Variants in HS6ST3 observed in about 807,000 individuals in gnomAD.
The protein encoded by HS6ST3 is heparan sulfate 6-O-sulfotransferase 3, also known as heparan-sulfate 6-O-sulfotransferase 3.
In HS6ST3, 12 loss-of-function variants were observed where a neutral mutation model predicts 36.7. That is an observed-to-expected ratio of 0.33 (90% confidence interval 0.21 to 0.53). The LOEUF is 0.53. Among genes scored for constraint, HS6ST3 ranks in the 20% least tolerant of loss-of-function variants. The probability of loss-of-function intolerance (pLI) is 0.95; values close to 1 mark genes in which losing one functional copy is unlikely to be tolerated. For synonymous variants in HS6ST3, 240 were observed against 257.5 expected, an observed-to-expected ratio of 0.93 and a Z score of 0.65; for missense variants, 584 against 640.9, an observed-to-expected ratio of 0.91 and a Z score of 0.96.
intron 1 of HS6ST3, among the ~76,000 whole-genome samples, chr13:96,136,753 T>C (rs1034555068): frequency 2.0e-5 from 3 of 149,364 alleles, no homozygotes; most frequent in African/African-American, 4.9e-5. Flanking sequence ...CAAATTAACA[T>C]ATACAAATGA....
intron 1 of HS6ST3, among the ~76,000 whole-genome samples, chr13:96,227,054 T>A (rs1395162810): frequency 6.6e-6 from 1 of 152,190 alleles, no homozygotes. Context: ...TGACACTAGA[T>A]AGAAGTATTT....
intron 1 of HS6ST3, among the ~76,000 whole-genome samples, chr13:96,329,689 C>G (rs2055053937): frequency 8.6e-6 from 1 of 116,262 alleles, no homozygotes; most frequent in Non-Finnish European, 1.8e-5. Context: ...CTGTAGATGT[C>G]TATTAGGTCC....
chr13:96,277,374 A>T (rs1169687313), intron 1 of HS6ST3, among the ~76,000 whole-genome samples: 1 of 152,138 alleles, frequency 6.6e-6, no homozygotes, highest in Non-Finnish European at 1.5e-5. Context: ...GGTATTTCTC[A>T]CCACTTCTAT....
At chr13:96,775,781 G>A (rs975636975) in intron 1 of HS6ST3, among the ~76,000 whole-genome samples, 3 of 152,026 alleles carry the variant, frequency 2.0e-5, no homozygotes, top group African/African-American at 2.4e-5. Flanking sequence ...ACAGATCAAC[G>A]AGACATAAAA....
chr13:96,113,022 C>T (rs2053878056), intron 1 of HS6ST3, among the ~76,000 whole-genome samples: 1 of 152,062 alleles, frequency 6.6e-6, no homozygotes, highest in African/African-American at 2.4e-5. Context: ...TTGGGGACTT[C>T]TAGTTTGGTA....
chr13:96,107,428 C>G (rs2053846935), intron 1 of HS6ST3, among the ~76,000 whole-genome samples: 1 of 151,962 alleles, frequency 6.6e-6, no homozygotes, highest in Non-Finnish European at 1.5e-5. Context: ...ATATTGATGT[C>G]AAAAATGATG....
At chr13:96,489,410 T>G (rs1028650727) in intron 1 of HS6ST3, among the ~76,000 whole-genome samples, 1 of 148,824 alleles carries the variant, frequency 6.7e-6, no homozygotes, top group Non-Finnish European at 1.5e-5. Flanking sequence ...ACACATATAG[T>G]TTTTTTCTAA....
At chr13:96,156,813 T>TATATTAAGAGCTCATAGCACA (rs2054112812) in intron 1 of HS6ST3, among the ~76,000 whole-genome samples, 3 of 151,166 alleles carry the variant, frequency 2.0e-5, no homozygotes, top group African/African-American at 7.4e-5. Flanking sequence ...AGTAATTACA[T>TATATTAAGAGCTCATAGCACA]GAGAAAATAT....
At chr13:96,335,619 A>C (rs1209703409) in intron 1 of HS6ST3, among the ~76,000 whole-genome samples, 3 of 152,136 alleles carry the variant, frequency 2.0e-5, no homozygotes, top group Non-Finnish European at 4.4e-5. Flanking sequence ...TGGATGAGGA[A>C]TCTGTGAGGG....
chr13:96,671,047 T>C (rs1041184337), intron 1 of HS6ST3, among the ~76,000 whole-genome samples: 4 of 152,142 alleles, frequency 2.6e-5, no homozygotes, highest in African/African-American at 9.7e-5. Context: ...TTAGGGGTAA[T>C]GAAAGTACAC....
At chr13:96,719,953 G>A (rs1451344402) in intron 1 of HS6ST3, among the ~76,000 whole-genome samples, 2 of 152,024 alleles carry the variant, frequency 1.3e-5, no homozygotes, top group Non-Finnish European at 2.9e-5. Flanking sequence ...ATTTCTCCTT[G>A]GGTTAAAGGG....
intron 1 of HS6ST3, among the ~76,000 whole-genome samples, chr13:96,361,641 A>T (rs1401820953): frequency 6.6e-6 from 1 of 152,180 alleles, no homozygotes; most frequent in Non-Finnish European, 1.5e-5. Flanking sequence ...TTAAGATCTG[A>T]GTGCCAAGAC....
chr13:96,214,065 C>T (rs2139358873), intron 1 of HS6ST3, among the ~76,000 whole-genome samples: 1 of 152,264 alleles, frequency 6.6e-6, no homozygotes, highest in South Asian at 2.1e-4. Flanking sequence ...GAAGGAGTTA[C>T]TAACTTGAAT....
At position 96,836,969 on chromosome 13, in the gene HS6ST3, A is replaced by G. The variant is rs1047294657; in HGVS notation, c.*3771A>G. On this transcript the variant is annotated 3_prime_UTR_variant, in exon 2 of 2. Transcript: ENST00000376705. ...CTGCCATCACATTTACATTTAAGATAGTAGAGAGGAAGTGGAGGGAAGTTG... is the reference window on the plus strand; with the variant it reads ...CTGCCATCACATTTACATTTAAGATGGTAGAGAGGAAGTGGAGGGAAGTTG... The G allele has an allele frequency of 9.2e-5, 14 of 152,308 alleles. No individual in the cohort carries two copies. Among genetic ancestry groups the G allele is most frequent in the Admixed American group, 9.1e-4 (14 of 15,306 alleles). 9.4% of individuals were successfully genotyped at this position (152,308 alleles called of 1,614,324 possible). A position where few individuals can be genotyped will look rare whatever the true frequency, so the allele number is the denominator to read the frequency against.
Position 96,346,894 on chromosome 13 carries a change from T to C in HS6ST3, c.707+255325T>C, listed in dbSNP as rs548074826. ...AGGTTACAAGAAATCATGACTGCTA[T>C]CATGCTGGCTGACTTTATAGCCTTC... On this transcript the variant is annotated intron_variant, in intron 1 of 1. Coordinates refer to ENST00000376705, the MANE Select transcript of HS6ST3 (RefSeq NM_153456.4). 2.6e-5 allele frequency among the ~76,000 whole-genome samples: 4 copies of C among 152,288 alleles called. No homozygotes were observed. The East Asian group carries it at 5.8e-4, about 22-fold the overall frequency.
chr13:96,365,850 A>G (rs1028112378), intron 1 of HS6ST3, among the ~76,000 whole-genome samples: 57 of 152,332 alleles, frequency 3.7e-4, no homozygotes, highest in African/African-American at 1.3e-3. Context: ...TTTGTGTTAC[A>G]GTTTCACCAC....
At chr13:96,396,461 C>T (rs1594770928) in intron 1 of HS6ST3, among the ~76,000 whole-genome samples, 1 of 152,074 alleles carries the variant, frequency 6.6e-6, no homozygotes, top group African/African-American at 2.4e-5. Flanking sequence ...TCCTGCCCAG[C>T]CCAGTATGGA....
At chr13:96,470,360 G>A (rs1428996389) in intron 1 of HS6ST3, among the ~76,000 whole-genome samples, 1 of 152,134 alleles carries the variant, frequency 6.6e-6, no homozygotes, top group Non-Finnish European at 1.5e-5. Flanking sequence ...CAAACAGTTG[G>A]TTTATAGGAA....
chr13:96,309,840 A>G (rs972172352), intron 1 of HS6ST3, among the ~76,000 whole-genome samples: 1 of 152,150 alleles, frequency 6.6e-6, no homozygotes, highest in African/African-American at 2.4e-5. Context: ...CCTTATTTTT[A>G]ACTATAATAG....
Sources: gnomAD v4.1 joint callset for allele counts (sites outside exome capture counted in the v4.1 genomes callset) on GRCh38, gnomAD v4.1.1 for gene constraint, MANE v1.5 for transcripts, NCBI Gene and HGNC (gene_info 2026-07-23, HGNC 2026-07-21) for gene names.